Variants in CUL1 observed in about 807,000 individuals in gnomAD.
CUL1 encodes cullin-1.
In CUL1, 24 loss-of-function variants were observed where a neutral mutation model predicts 118.0. The observed-to-expected ratio is 0.20, with a 90% CI of 0.15 to 0.29. The LOEUF (loss-of-function observed/expected upper bound fraction) is 0.29. CUL1 is among the 10% of genes least tolerant of loss of function. The probability of loss-of-function intolerance (pLI) is 1.00; values close to 1 mark genes in which losing one functional copy is unlikely to be tolerated. For synonymous variants in CUL1, 332 were observed against 340.4 expected, an observed-to-expected ratio of 0.98 and a Z score of 0.27; for missense variants, 361 against 933.8, an observed-to-expected ratio of 0.39 and a Z score of 7.99.
At chr7:148,727,155 A>G (rs1019059) in intron 1 of CUL1, among the ~76,000 whole-genome samples, 47,549 of 151,948 alleles carry the variant, frequency 0.31, 8,124 homozygotes, top group South Asian at 0.47. Flanking sequence ...CGTTAAAACT[A>G]AGTAGTCACT....
At chr7:148,736,211 A>G (rs979068161) in intron 2 of CUL1, among the ~76,000 whole-genome samples, 4 of 152,280 alleles carry the variant, frequency 2.6e-5, no homozygotes, top group African/African-American at 7.2e-5. Flanking sequence ...AGAAATGACT[A>G]TTACAGCCAG....
chr7:148,737,161 TTA>T (rs1476686178), intron 2 of CUL1, among the ~76,000 whole-genome samples: 1 of 152,162 alleles, frequency 6.6e-6, no homozygotes, highest in Non-Finnish European at 1.5e-5. Flanking sequence ...CCTGTAGAAA[TTA>T]TGAGATTGTG....
At chr7:148,706,753 G>A (rs1373437810) in intron 1 of CUL1, among the ~76,000 whole-genome samples, 1 of 152,154 alleles carries the variant, frequency 6.6e-6, no homozygotes, top group Non-Finnish European at 1.5e-5. Context: ...CGTACTGTAT[G>A]TGTTCTCTCG....
intron 2 of CUL1, among the ~76,000 whole-genome samples, chr7:148,751,113 A>G (rs1231819235): frequency 6.6e-6 from 1 of 152,186 alleles, no homozygotes; most frequent in Non-Finnish European, 1.5e-5. Context: ...AGGGTGCTGG[A>G]TAGCCGCTTT....
chr7:148,799,545 G>A (rs1446781373), intron 21 of CUL1, among the ~76,000 whole-genome samples, 157 bp downstream of exon 21: 1 of 152,192 alleles, frequency 6.6e-6, no homozygotes, highest in Admixed American at 6.5e-5. Context: ...TTTAACTGTT[G>A]AAACACACAT....
intron 2 of CUL1, among the ~76,000 whole-genome samples, chr7:148,749,415 C>CAAAAA (rs61460309): frequency 0.038 from 2,111 of 55,958 alleles, 190 homozygotes; most frequent in Non-Finnish European, 0.052. Flanking sequence ...GACTCCATCT[C>CAAAAA]AAAAAAAAAA....
At chr7:148,799,218 C>T (rs567367913) in intron 20 of CUL1, 57 bp from the exon 21 acceptor site, 2 of 1,337,238 alleles carry the variant, frequency 1.5e-6, no homozygotes, top group Non-Finnish European at 2.1e-6. Context: ...CCTTAACTAT[C>T]AATACAACGT....
At chr7:148,754,234 A>T in intron 3 of CUL1, 84 bp downstream of exon 3, 1 of 919,212 alleles carries the variant, frequency 1.1e-6, no homozygotes, top group Non-Finnish European at 1.6e-6. Context: ...TAAATCTTTC[A>T]CTGTCATCTG....
At chr7:148,781,025 C>T (rs1800609114) in intron 9 of CUL1, among the ~76,000 whole-genome samples, 2 of 148,980 alleles carry the variant, frequency 1.3e-5, no homozygotes, top group African/African-American at 5.0e-5. Flanking sequence ...TTGACCAGTT[C>T]CTAAATGGCT....
intron 21 of CUL1, among the ~76,000 whole-genome samples, chr7:148,799,635 T>C (rs745835283): frequency 6.6e-6 from 1 of 152,282 alleles, no homozygotes; most frequent in Admixed American, 6.5e-5. Context: ...CAGGTAAGAA[T>C]TGAAACATGC....
At chr7:148,755,417 A>C (rs1338441042) in intron 3 of CUL1, among the ~76,000 whole-genome samples, 1 of 152,208 alleles carries the variant, frequency 6.6e-6, no homozygotes, top group Non-Finnish European at 1.5e-5. Flanking sequence ...CATGCTGCAA[A>C]ATTGTTTTAC....
At chr7:148,712,077 G>A (rs1418603304) in intron 1 of CUL1, among the ~76,000 whole-genome samples, 3 of 152,176 alleles carry the variant, frequency 2.0e-5, no homozygotes, top group African/African-American at 4.8e-5. Flanking sequence ...ATGGCTTGCT[G>A]TTTGTATCTT....
intron 1 of CUL1, among the ~76,000 whole-genome samples, chr7:148,707,677 G>A (rs2129458939): frequency 6.6e-6 from 1 of 152,164 alleles, no homozygotes; most frequent in African/African-American, 2.4e-5. Flanking sequence ...TGAGTGTTGT[G>A]CCCTTCCCGG....
At chr7:148,744,419 TG>T (rs1458204867) in intron 2 of CUL1, among the ~76,000 whole-genome samples, 1 of 151,590 alleles carries the variant, frequency 6.6e-6, no homozygotes, top group Non-Finnish European at 1.5e-5. Flanking sequence ...TGTGTGTGTG[TG>T]TGTGTGTGTG....
chr7:148,708,301 C>T (rs544559087), intron 1 of CUL1, among the ~76,000 whole-genome samples: 1 of 152,244 alleles, frequency 6.6e-6, no homozygotes, highest in South Asian at 2.1e-4. Flanking sequence ...TTTTTTGCTC[C>T]CTAGACCATA....
At chr7:148,791,632 C>T (rs899539460) in intron 16 of CUL1, among the ~76,000 whole-genome samples, 22 of 152,244 alleles carry the variant, frequency 1.4e-4, no homozygotes, top group Non-Finnish European at 2.9e-5. Flanking sequence ...GCAACACGCT[C>T]GTTCCCTTGT....
At chr7:148,779,063 C>G (rs1232829241) in intron 9 of CUL1, among the ~76,000 whole-genome samples, 3 of 152,148 alleles carry the variant, frequency 2.0e-5, no homozygotes, top group African/African-American at 7.2e-5. Context: ...CCTCACACCT[C>G]TTGTATGCCA....
At chr7:148,706,762 C>T (rs561068207) in intron 1 of CUL1, among the ~76,000 whole-genome samples, 1 of 152,118 alleles carries the variant, frequency 6.6e-6, no homozygotes, top group Non-Finnish European at 1.5e-5. Context: ...TGTGTTCTCT[C>T]GACATTATGA....
chr7:148,702,250 G>T (rs1427960910), intron 1 of CUL1, among the ~76,000 whole-genome samples: 1 of 152,138 alleles, frequency 6.6e-6, no homozygotes, highest in Non-Finnish European at 1.5e-5. Context: ...ACTCATGGAG[G>T]TGTTTCATTT....
Sources: gnomAD v4.1 joint callset for allele counts (sites outside exome capture counted in the v4.1 genomes callset) on GRCh38, gnomAD v4.1.1 for gene constraint, MANE v1.5 for transcripts, NCBI Gene and HGNC (gene_info 2026-07-23, HGNC 2026-07-21) for gene names.